TEPSIN: variants seen among roughly 807,000 people sequenced by gnomAD.
TEPSIN encodes TEPSIN adaptor related protein complex 4 accessory protein, also known as AP-4 complex accessory subunit tepsin.
A neutral mutation model predicts 48.5 loss-of-function variants in TEPSIN; 50 were observed. The observed-to-expected ratio is 1.03, with a 90% CI of 0.82 to 1.31. The LOEUF (loss-of-function observed/expected upper bound fraction) is 1.31. Among genes scored for constraint, TEPSIN ranks in the 50% most tolerant of loss-of-function variants. TEPSIN has a pLI of 0.00. For synonymous variants in TEPSIN, 392 were observed against 358.8 expected (o/e 1.09, Z -1.05); for missense variants, 838 against 815.9 (o/e 1.03, Z -0.33).
At chr17:81,232,954 G>A (rs966595555) in intron 7 of TEPSIN, 1 of 234,538 alleles carries the variant, frequency 4.3e-6, no homozygotes, top group Non-Finnish European at 8.4e-6. Flanking sequence ...ACGGTGAGCA[G>A]CTACACACCG....
Position 81,236,751 on chromosome 17 carries a change from C to T in TEPSIN, c.264G>A (p.Leu88=). ...AGGCAGAGTTGCGTTTGAGGATGAG[C>T]AGGAAGAAGGAGGAGCCGTGGCTGC... ...YLCSHGSSFF[L]LILKRNSAFI... Residue 88 remains leucine (L), a synonymous_variant, in exon 4 of 13, where the codon CTG becomes CTA. Transcript: ENST00000637944. 6.3e-7 allele frequency: 1 copy of T among 1,574,970 alleles called. No individual in the cohort carries two copies. The highest frequency in any genetic ancestry group is 8.6e-7 in the Non-Finnish European group (1 of 1,160,894).
intron 8 of TEPSIN, 91 bp from the exon 9 acceptor site, chr17:81,232,112 G>A (rs2062627061): frequency 2.7e-6 from 4 of 1,472,942 alleles, no homozygotes; most frequent in Non-Finnish European, 3.6e-6. Flanking sequence ...AGGCCTCGGG[G>A]GCTGAGTCCT....
In TEPSIN at chr17:81,233,997, A is replaced by G. The variant is rs1197537643; in HGVS notation, c.359T>C (p.Val120Ala). The change falls in exon 5 of 13, where the codon GTT (valine) becomes GCT (alanine). Residue 120 changes from valine (V) to alanine (A), a missense_variant. Coordinates refer to ENST00000637944, the MANE Select transcript of TEPSIN (RefSeq NM_001363764.2). The surrounding 1 kb of genome is among the most constrained non-coding windows in gnomAD (Gnocchi z 5.8). ...PLHGNSLYQK[V>A]RAAAQDLGST... ...TGGGCTCACCTGCGCGGCCGCGCGA[A>G]CCTTCTGGTACAAGCTGTTCCCGTG... The G allele has an allele frequency of 1.3e-6, 2 of 1,598,422 alleles. No homozygotes were observed. Among genetic ancestry groups the G allele is most frequent in the East Asian group, 2.2e-5 (1 of 44,500 alleles).
At chr17:81,237,173 G>A (rs1484626941) in intron 2 of TEPSIN, 102 bp from the exon 3 acceptor site, 11 of 1,292,912 alleles carry the variant, frequency 8.5e-6, no homozygotes, top group South Asian at 2.6e-5. Context: ...CCCTGGAGGC[G>A]CCTACTGGAG....
intron 7 of TEPSIN, chr17:81,232,879 C>A (rs73356083): frequency 0.036 from 9,198 of 254,534 alleles, 487 homozygotes; most frequent in African/African-American, 0.15. Flanking sequence ...CCTGTAGAAG[C>A]TGCCCCGACA....
At position 81,233,628 on chromosome 17, in the gene TEPSIN, A is replaced by G. The variant is rs747315688; in HGVS notation, c.454+10T>C. Reference sequence around the variant, plus strand: ...TGCCAGAGCTGGACACGGTCCCCTCAGTCACCTACCTGTGGCAGGCGGGGT... The same window carrying G: ...TGCCAGAGCTGGACACGGTCCCCTCGGTCACCTACCTGTGGCAGGCGGGGT... On this transcript the variant is annotated intron_variant, in intron 6 of 12. Coordinates refer to ENST00000637944, the MANE Select transcript of TEPSIN (RefSeq NM_001363764.2). The surrounding 1 kb of genome is among the most constrained non-coding windows in gnomAD (Gnocchi z 5.8). 6.3e-7 allele frequency: 1 copy of G among 1,595,338 alleles called. No homozygotes were observed. Among genetic ancestry groups the G allele is most frequent in the East Asian group, 2.3e-5 (1 of 44,228 alleles).
In TEPSIN at chr17:81,234,291, C is replaced by T; in HGVS notation, c.308-243G>A. 1 of 391,472 alleles carries T rather than the reference C, an allele frequency of 2.6e-6. No homozygotes were observed. The highest frequency in any genetic ancestry group is 2.1e-5 in the African/African-American group (1 of 48,088). 24.2% of individuals were successfully genotyped at this position (391,472 alleles called of 1,614,324 possible). On this transcript the variant is annotated intron_variant, in intron 4 of 12. Coordinates refer to ENST00000637944, the MANE Select transcript of TEPSIN (RefSeq NM_001363764.2). This position sits in a 1 kb window ranked among gnomAD's most constrained non-coding sequence, Gnocchi z 5.4. ...TCTCCACAGCAACCACCTCGTCTCC[C>T]CCAGGGTCGGCAACCCCTGGTGCCT... is the stretch of plus-strand genomic sequence containing the variant.
At position 81,229,069 on chromosome 17, in the gene TEPSIN, A is replaced by G. The variant is rs1230726030; in HGVS notation, c.1641T>C (p.Cys547=). The change falls in exon 13 of 13, where the codon TGT becomes TGC. Residue 547 remains cysteine (C), a synonymous_variant. Transcript: ENST00000637944. ...SLFAGMELVA[C]PRLVGAGAAA... Reference sequence around the variant, plus strand: ...CAGCCCCAGCCCCCACCAGGCGGGGACAGGCCACCAGCTCCATGCCAGCAA... The same window carrying G: ...CAGCCCCAGCCCCCACCAGGCGGGGGCAGGCCACCAGCTCCATGCCAGCAA... 6.8e-6 allele frequency: 11 copies of G among 1,613,328 alleles called. No individual in the cohort carries two copies. The highest frequency in any genetic ancestry group is 5.5e-5 in the South Asian group (5 of 91,068).
In TEPSIN at chr17:81,234,674, G is replaced by A. The variant is rs2062690331; in HGVS notation, c.308-626C>T. 6.6e-6 allele frequency among the ~76,000 whole-genome samples: 1 copy of A among 151,904 alleles called. No individual in the cohort carries two copies. The highest frequency in any genetic ancestry group is 2.1e-4 in the South Asian group (1 of 4,826). On this transcript the variant is annotated intron_variant, in intron 4 of 12. Coordinates refer to ENST00000637944, the MANE Select transcript of TEPSIN (RefSeq NM_001363764.2). The surrounding 1 kb of genome is among the most constrained non-coding windows in gnomAD (Gnocchi z 5.4). The stretch of plus-strand genomic sequence containing the variant: ...CCCCTCGGCCGTCTACCTCCACCCT[G>A]GCAGGCTGGTCCCGTGATTCGGAGA...
intron 9 of TEPSIN, 60 bp downstream of exon 9, chr17:81,231,787 G>A (rs777634905): frequency 7.0e-5 from 113 of 1,606,124 alleles, no homozygotes; most frequent in Non-Finnish European, 9.2e-5. Context: ...AGCCGCGCTG[G>A]GAGGGGGACA....
intron 12 of TEPSIN, chr17:81,229,785 G>A (rs962599377): frequency 4.7e-6 from 2 of 429,424 alleles, no homozygotes; most frequent in Admixed American, 4.3e-5. Flanking sequence ...CTGCCGGAGG[G>A]AGTGAACACG....
intron 4 of TEPSIN, among the ~76,000 whole-genome samples, chr17:81,236,045 C>T (rs185867967): frequency 1.6e-3 from 244 of 152,312 alleles, no homozygotes; most frequent in African/African-American, 5.2e-3. Context: ...GGGGTCCAGA[C>T]ATGGTGCGCC....
At chr17:81,232,623 G>A in intron 7 of TEPSIN, 105 bp from the exon 8 acceptor site, 2 of 1,113,140 alleles carry the variant, frequency 1.8e-6, no homozygotes, top group East Asian at 2.6e-5. Context: ...GCTTGGAGAG[G>A]TCGGGGTACA....
Position 81,232,439 on chromosome 17 carries a change from C to T in TEPSIN, c.606G>A (p.Glu202=), listed in dbSNP as rs747012251. ...GCAGGAGCCTCCGGGTACTGGGACT[C>T]TCGGGCCCGGGGCGCATGGCGCTGG... The part of the protein sequence containing the change: ...VVASAMRPGP[E]SPSTRRLLPR... Residue 202 remains glutamate (E), a synonymous_variant, in exon 8 of 13, where the codon GAG becomes GAA. Coordinates refer to ENST00000637944, the MANE Select transcript of TEPSIN (RefSeq NM_001363764.2). 6.5e-6 allele frequency: 10 copies of T among 1,535,634 alleles called. No individual in the cohort carries two copies. Among genetic ancestry groups the T allele is most frequent in the Non-Finnish European group, 8.7e-6 (10 of 1,146,710 alleles).
Position 81,234,073 on chromosome 17 carries a change from G to A in TEPSIN, c.308-25C>T, listed in dbSNP as rs769381884. 1.3e-6 allele frequency: 2 copies of A among 1,566,566 alleles called. No individual in the cohort carries two copies. The highest frequency in any genetic ancestry group is 1.4e-5 in the African/African-American group (1 of 72,772). ...GCTGCAGAACAGAAAAGGCAAGTCG[G>A]GGGCAGGGCTGAGCCTGGCACCGCT... On this transcript the variant is annotated intron_variant, in intron 4 of 12. Transcript: ENST00000637944. This position sits in a 1 kb window ranked among gnomAD's most constrained non-coding sequence, Gnocchi z 5.4.
At chr17:81,232,085 C>T (rs997466516) in intron 8 of TEPSIN, 64 bp from the exon 9 acceptor site, 16 of 1,552,806 alleles carry the variant, frequency 1.0e-5, no homozygotes, top group South Asian at 3.5e-5. Context: ...GCCCACCTCC[C>T]GGGGCCCTGG....
At chr17:81,238,615 G>A in intron 1 of TEPSIN, 4 of 1,115,318 alleles carry the variant, frequency 3.6e-6, no homozygotes, top group Non-Finnish European at 3.3e-6. Context: ...CGTCAGGGAG[G>A]ACGGCGGGCT....
At chr17:81,237,294 C>G (rs1329333002) in intron 2 of TEPSIN, 93 bp downstream of exon 2, 1 of 1,430,704 alleles carries the variant, frequency 7.0e-7, no homozygotes. Flanking sequence ...GTGCATCCCC[C>G]TAGGGACAGC....
Position 81,239,025 on chromosome 17 carries a change from G to C in TEPSIN, c.9C>G (p.Ala3=), listed in dbSNP as rs376385073. 14 of 1,491,978 alleles carry C rather than the reference G, an allele frequency of 9.4e-6. No individual in the cohort carries two copies. Among genetic ancestry groups the C allele is most frequent in the South Asian group, 1.3e-5 (1 of 78,800 alleles). The allele number at this position is 1,491,978 out of a possible 1,614,324, so 92.4% of individuals were successfully genotyped here. The change falls in exon 1 of 13, where the codon GCC becomes GCG. Residue 3 remains alanine, a synonymous_variant. Transcript: ENST00000637944. MA[A]APPLRDRLSF... is the part of the protein sequence containing the mutation. ...TCAGGCGGTCCCGTAGCGGCGGCGC[G>C]GCAGCCATGATCCAGGTCCCCTCCC...
Sources: gnomAD v4.1 joint callset for allele counts (sites outside exome capture counted in the v4.1 genomes callset) on GRCh38, gnomAD v4.1.1 for gene constraint, Gnocchi (gnomAD v3.1) non-coding constraint, MANE v1.5 for transcripts, NCBI Gene and HGNC (gene_info 2026-07-23, HGNC 2026-07-21) for gene names.